The following FUT8 variants were observed in gnomAD, a reference collection of about 807,000 sequenced individuals.
The protein encoded by FUT8 is fucosyltransferase 8.
Under a neutral mutation model 71.3 loss-of-function variants are expected in FUT8, and 29 were observed. That is an observed-to-expected ratio of 0.41 (90% confidence interval 0.30 to 0.55). The LOEUF (loss-of-function observed/expected upper bound fraction) is 0.55. Among genes scored for constraint, FUT8 ranks in the 20% least tolerant of loss-of-function variants. FUT8 has a pLI of 0.34. For synonymous variants in FUT8, 254 were observed against 239.3 expected (o/e 1.06, Z -0.57); for missense variants, 544 against 702.1 (o/e 0.77, Z 2.55).
chr14:65,721,935 C>T lies in FUT8; in HGVS notation c.996C>T (p.Val332=), dbSNP rs749621089. ...DPAVWWVSQF[V]KYLIRPQPWL... Reference sequence around the variant, plus strand: ...CAGTGTGGTGGGTGTCTCAGTTTGTCAAATACTTGATCCGCCCACAGCCTT... The same window carrying T: ...CAGTGTGGTGGGTGTCTCAGTTTGTTAAATACTTGATCCGCCCACAGCCTT... Residue 332 remains valine (V), a synonymous_variant, in exon 8 of 11, where the codon GTC becomes GTT. Transcript: ENST00000673929. The T allele has an allele frequency of 6.2e-7, 1 of 1,614,094 alleles. No homozygotes were observed. The highest frequency in any genetic ancestry group is 1.1e-5 in the South Asian group (1 of 91,064).
chr14:65,630,164 G>C (rs1030625934), intron 6 of FUT8, among the ~76,000 whole-genome samples: 1 of 152,130 alleles, frequency 6.6e-6, no homozygotes, highest in African/African-American at 2.4e-5. Context: ...TGGAGAATAA[G>C]TTGGAAAGGT....
In FUT8 at chr14:65,558,325, C is replaced by CA. The variant is rs67556145; in HGVS notation, c.-227-2995dup. Among the ~76,000 whole-genome samples, 116 of 118,164 alleles carry CA rather than the reference C, an allele frequency of 9.8e-4. 1 individual carries two copies. The highest frequency in any genetic ancestry group is 2.0e-3 in the Admixed American group (24 of 11,956). The allele number at this position is 118,164 out of a possible 152,430, so 77.5% of individuals were successfully genotyped here. ...CCAGCCTGGGCAACAGAGCGAGACTCAAAAAAAAAAAAAAAAAGACTCTCT... is the reference window on the plus strand; with the variant it reads ...CCAGCCTGGGCAACAGAGCGAGACTCAAAAAAAAAAAAAAAAAAGACTCTCT... On this transcript the variant is annotated intron_variant, in intron 2 of 10. Transcript: ENST00000673929.
intron 6 of FUT8, among the ~76,000 whole-genome samples, chr14:65,629,851 C>CACACACACACACAT (rs1320518142): frequency 1.2e-4 from 18 of 151,534 alleles, no homozygotes; most frequent in African/African-American, 4.1e-4. Context: ...CACACACACA[C>CACACACACACACAT]ACACACAATA....
intron 2 of FUT8, among the ~76,000 whole-genome samples, chr14:65,492,178 G>A (rs550689736): frequency 2.0e-5 from 3 of 152,316 alleles, no homozygotes; most frequent in African/African-American, 4.8e-5. Flanking sequence ...CCAAAGGTAA[G>A]TAATATTTTT....
intron 7 of FUT8, among the ~76,000 whole-genome samples, chr14:65,713,509 A>G (rs1390054073): frequency 3.9e-5 from 6 of 152,302 alleles, no homozygotes; most frequent in African/African-American, 1.4e-4. Context: ...ACTAATTTAC[A>G]TTCCCACCAA....
intron 1 of FUT8, among the ~76,000 whole-genome samples, chr14:65,449,323 G>A (rs989043139): frequency 2.0e-5 from 3 of 152,138 alleles, no homozygotes; most frequent in African/African-American, 7.2e-5. Flanking sequence ...ATTCGTTTTT[G>A]TTGAAATAGC....
intron 6 of FUT8, among the ~76,000 whole-genome samples, chr14:65,662,328 G>A (rs1047822460): frequency 6.6e-6 from 1 of 152,136 alleles, no homozygotes; most frequent in South Asian, 2.1e-4. Context: ...TGAGGTTGTG[G>A]TGAACTGTGA....
intron 3 of FUT8, among the ~76,000 whole-genome samples, chr14:65,602,596 A>C (rs1199345523): frequency 6.6e-6 from 1 of 151,704 alleles, no homozygotes; most frequent in African/African-American, 2.4e-5. Context: ...GAATCTCCAC[A>C]CTGTTTTCCA....
chr14:65,502,424 C>G (rs1409338367), intron 2 of FUT8, among the ~76,000 whole-genome samples: 1 of 148,608 alleles, frequency 6.7e-6, no homozygotes, highest in East Asian at 2.0e-4. Flanking sequence ...AGGGTTTCAC[C>G]ATGTTGCCCA....
intron 1 of FUT8, among the ~76,000 whole-genome samples, chr14:65,439,988 A>ATATATATATATATATATACG (rs2065627296): frequency 7.2e-6 from 1 of 138,164 alleles, no homozygotes; most frequent in Non-Finnish European, 1.5e-5. Flanking sequence ...ATATATATAT[A>ATATATATATATATATATACG]TATGTACACA....
intron 3 of FUT8, among the ~76,000 whole-genome samples, chr14:65,588,310 C>T (rs1328387826): frequency 6.6e-6 from 1 of 152,058 alleles, no homozygotes; most frequent in Non-Finnish European, 1.5e-5. Flanking sequence ...ATGTCTTTTC[C>T]TTCATCCCCC....
chr14:65,606,381 A>G (rs1455454761), intron 3 of FUT8, among the ~76,000 whole-genome samples: 1 of 151,536 alleles, frequency 6.6e-6, no homozygotes, highest in Admixed American at 6.6e-5. Context: ...CCTGCCCAAA[A>G]ATTTTTAAGT....
intron 2 of FUT8, among the ~76,000 whole-genome samples, chr14:65,481,674 T>G (rs1252001722): frequency 6.6e-6 from 1 of 152,172 alleles, no homozygotes; most frequent in Non-Finnish European, 1.5e-5. Flanking sequence ...ATAAATTTAG[T>G]GCCTTTTCTA....
chr14:65,700,732 C>G (rs1360265591), intron 7 of FUT8, among the ~76,000 whole-genome samples: 1 of 152,162 alleles, frequency 6.6e-6, no homozygotes. Flanking sequence ...GGTCCTAGTT[C>G]TAAGATTTAA....
At position 65,495,372 on chromosome 14, in the gene FUT8, C is replaced by T. The variant is rs890828191; in HGVS notation, c.-228+39654C>T. Among the ~76,000 whole-genome samples the T allele has an allele frequency of 2.6e-5, 4 of 152,122 alleles. No individual in the cohort carries two copies. In the East Asian group the frequency reaches 7.7e-4, roughly 29 times the overall value. Reference sequence around the variant, plus strand: ...TTCACTTTGGCTGCTGCTTCTTGCACTGGGGTTCCTTGGGCAGGAGCACTC... The same window carrying T: ...TTCACTTTGGCTGCTGCTTCTTGCATTGGGGTTCCTTGGGCAGGAGCACTC... On this transcript the variant is annotated intron_variant, in intron 2 of 10. Coordinates refer to ENST00000673929, the MANE Select transcript of FUT8 (RefSeq NM_001371533.1).
intron 3 of FUT8, among the ~76,000 whole-genome samples, chr14:65,612,709 A>G (rs990459263): frequency 5.3e-5 from 8 of 152,224 alleles, no homozygotes; most frequent in Non-Finnish European, 1.2e-4. Flanking sequence ...CTCTGAATGC[A>G]GTAAGCTGGG....
At chr14:65,653,713 G>A (rs549538276) in intron 6 of FUT8, among the ~76,000 whole-genome samples, 11 of 152,258 alleles carry the variant, frequency 7.2e-5, no homozygotes, top group Non-Finnish European at 1.2e-4. Context: ...AAACTGTATC[G>A]TTTGTTTTGA....
At chr14:65,543,376 A>G (rs1417576427) in intron 2 of FUT8, among the ~76,000 whole-genome samples, 1 of 152,196 alleles carries the variant, frequency 6.6e-6, no homozygotes, top group East Asian at 1.9e-4. Context: ...TTTGGATAAT[A>G]TGTATGGGCT....
At chr14:65,534,681 A>AT (rs200112479) in intron 2 of FUT8, among the ~76,000 whole-genome samples, 9,960 of 150,284 alleles carry the variant, frequency 0.066, 384 homozygotes, top group Admixed American at 0.11. Flanking sequence ...GAATTTATCC[A>AT]TTTTTTTCTA....
Sources: gnomAD v4.1 joint callset for allele counts (sites outside exome capture counted in the v4.1 genomes callset) on GRCh38, gnomAD v4.1.1 for gene constraint, MANE v1.5 for transcripts, NCBI Gene and HGNC (gene_info 2026-07-23, HGNC 2026-07-21) for gene names.